The following MAN1A1 variants were observed in gnomAD, a reference collection of about 807,000 sequenced individuals.
MAN1A1 encodes mannosyl-oligosaccharide 1,2-alpha-mannosidase IA.
In MAN1A1, 29 loss-of-function variants were observed where a neutral mutation model predicts 70.8. That is an observed-to-expected ratio of 0.41 (90% confidence interval 0.31 to 0.56). The LOEUF (loss-of-function observed/expected upper bound fraction) is 0.56, where lower values mean the gene tolerates loss of function less well. MAN1A1 is among the 20% of genes least tolerant of loss of function. The pLI, the probability that MAN1A1 is intolerant of heterozygous loss-of-function variation, is 0.29. For synonymous variants in MAN1A1, 349 were observed against 330.1 expected (o/e 1.06, Z -0.62); for missense variants, 747 against 841.3 (o/e 0.89, Z 1.39).
At chr6:119,261,619 C>T (rs1775615950) in intron 5 of MAN1A1, among the ~76,000 whole-genome samples, 2 of 152,164 alleles carry the variant, frequency 1.3e-5, no homozygotes, top group African/African-American at 2.4e-5. Context: ...GAATACTCCA[C>T]AAGGTAATCA....
chr6:119,309,121 C>T (rs539383347), intron 2 of MAN1A1, among the ~76,000 whole-genome samples: 1 of 152,184 alleles, frequency 6.6e-6, no homozygotes, highest in South Asian at 2.1e-4. Flanking sequence ...GTCAAAATGC[C>T]CTGAACAAAG....
chr6:119,313,661 TAA>T (rs11386650), intron 2 of MAN1A1, among the ~76,000 whole-genome samples: 3 of 145,112 alleles, frequency 2.1e-5, no homozygotes, highest in Admixed American at 6.9e-5. Flanking sequence ...CTACTTATAC[TAA>T]AAAAAAAAAA....
chr6:119,218,174 T>C (rs1177881356), intron 6 of MAN1A1, among the ~76,000 whole-genome samples: 1 of 152,168 alleles, frequency 6.6e-6, no homozygotes, highest in South Asian at 2.1e-4. Context: ...TTTTCTTGAT[T>C]TGTTGTCTTT....
chr6:119,190,885 C>G (rs1773422649), intron 9 of MAN1A1, among the ~76,000 whole-genome samples: 1 of 152,152 alleles, frequency 6.6e-6, no homozygotes, highest in South Asian at 2.1e-4. Context: ...AATGTTCTCC[C>G]CACTGCCCCA....
intron 5 of MAN1A1, among the ~76,000 whole-genome samples, chr6:119,255,855 C>G (rs1217255847): frequency 6.6e-6 from 1 of 152,044 alleles, no homozygotes; most frequent in African/African-American, 2.4e-5. Flanking sequence ...AAACCTAAAA[C>G]CGAAGTTTTA....
intron 5 of MAN1A1, among the ~76,000 whole-genome samples, chr6:119,260,654 T>C (rs2357164): frequency 0.3 from 46,168 of 152,032 alleles, 7,421 homozygotes; most frequent in East Asian, 0.56. Flanking sequence ...CTTTTTTTCA[T>C]TTAGAGGCTT....
At chr6:119,182,067 G>C (rs1424222405) in intron 11 of MAN1A1, among the ~76,000 whole-genome samples, 5 of 152,096 alleles carry the variant, frequency 3.3e-5, no homozygotes, top group Non-Finnish European at 5.9e-5. Flanking sequence ...TTTGATAATA[G>C]CCATTTAAAA....
At chr6:119,292,930 C>T (rs972816415) in intron 4 of MAN1A1, among the ~76,000 whole-genome samples, 5 of 151,996 alleles carry the variant, frequency 3.3e-5, no homozygotes, top group Admixed American at 1.3e-4. Context: ...GTTTGGTTCA[C>T]GTGACTACGT....
chr6:119,207,971 G>A (rs1773927384), intron 6 of MAN1A1, among the ~76,000 whole-genome samples: 1 of 151,836 alleles, frequency 6.6e-6, no homozygotes, highest in African/African-American at 2.4e-5. Context: ...GGTGTTATCT[G>A]GTCTATTTTA....
In MAN1A1 at chr6:119,318,460, C is replaced by T. The variant is rs74855643; in HGVS notation, c.604-11468G>A. Among the ~76,000 whole-genome samples the T allele has an allele frequency of 5.9e-3, 894 of 152,248 alleles. 31 individuals are homozygous for T. In the East Asian group the frequency reaches 0.09, roughly 15 times the overall value. ...ACACTGTCCTGAGCCAAATGTGTGA[C>T]CCATGCAATCTGGGGGAAACTTGGC... On this transcript the variant is annotated intron_variant, in intron 2 of 12. Transcript: ENST00000368468.
At chr6:119,282,399 A>G (rs1776246535) in intron 5 of MAN1A1, among the ~76,000 whole-genome samples, 1 of 152,216 alleles carries the variant, frequency 6.6e-6, no homozygotes, top group Non-Finnish European at 1.5e-5. Flanking sequence ...GACAAGAAAA[A>G]GCAGTAATTT....
At position 119,348,613 on chromosome 6, in the gene MAN1A1, T is replaced by C. The variant is rs773073612; in HGVS notation, c.453A>G (p.Leu151=). Residue 151 remains leucine (L), a synonymous_variant, in exon 2 of 13, where the codon CTA becomes CTG. Transcript: ENST00000368468. ...KLPEEIQRDI[L]LEKKKVAQDQ... ...CCTGGGCCACCTTCTTCTTCTCCAG[T>C]AGGATGTCTCTTTGGATCTCCTCGG... 6.2e-7 allele frequency: 1 copy of C among 1,613,940 alleles called. No homozygotes were observed. The highest frequency in any genetic ancestry group is 1.1e-5 in the South Asian group (1 of 91,060).
chr6:119,260,650 T>G (rs1775582013), intron 5 of MAN1A1, among the ~76,000 whole-genome samples: 1 of 152,226 alleles, frequency 6.6e-6, no homozygotes, highest in South Asian at 2.1e-4. Context: ...TTATCTTTTT[T>G]TCATTTAGAG....
chr6:119,255,738 C>T (rs1396088845), intron 5 of MAN1A1, among the ~76,000 whole-genome samples: 2 of 152,186 alleles, frequency 1.3e-5, no homozygotes, highest in Non-Finnish European at 2.9e-5. Context: ...TTCCTGTCAT[C>T]TCAGAGACGG....
chr6:119,349,886 G>A (rs1051876087), upstream of MAN1A1: 5 of 394,060 alleles, frequency 1.3e-5, no homozygotes, highest in South Asian at 1.0e-4. Flanking sequence ...GGCGAGGAGG[G>A]GGATGCGCGG....
At chr6:119,272,918 A>G (rs1775963711) in intron 5 of MAN1A1, among the ~76,000 whole-genome samples, 1 of 152,166 alleles carries the variant, frequency 6.6e-6, no homozygotes, top group Non-Finnish European at 1.5e-5. Flanking sequence ...GATAATATTA[A>G]CAGCTAATAG....
intron 6 of MAN1A1, among the ~76,000 whole-genome samples, chr6:119,234,779 C>T (rs1326344675): frequency 6.6e-6 from 1 of 152,144 alleles, no homozygotes; most frequent in East Asian, 1.9e-4. Flanking sequence ...CCTCATTTTA[C>T]TGCACTTTGC....
chr6:119,182,345 C>T (rs988110625), intron 11 of MAN1A1, among the ~76,000 whole-genome samples: 1 of 152,006 alleles, frequency 6.6e-6, no homozygotes, highest in African/African-American at 2.4e-5. Flanking sequence ...TGTAAGGAAA[C>T]TTTTTAGTTT....
chr6:119,292,760 G>C (rs2114422327), intron 4 of MAN1A1, among the ~76,000 whole-genome samples: 1 of 152,100 alleles, frequency 6.6e-6, no homozygotes, highest in African/African-American at 2.4e-5. Context: ...TTTATAATTT[G>C]TAATGTGCAC....
Sources: allele counts gnomAD v4.1 joint callset (sites outside exome capture counted in the v4.1 genomes callset), GRCh38; gene constraint gnomAD v4.1.1; transcripts MANE v1.5; gene names NCBI Gene and HGNC (gene_info 2026-07-23, HGNC 2026-07-21).